VAV3: variants seen among roughly 807,000 people sequenced by gnomAD.
VAV3 encodes guanine nucleotide exchange factor VAV3.
VAV3 carries 94 observed loss-of-function variants against 131.2 expected under a neutral mutation model. The ratio of observed to expected loss-of-function variants is 0.72; its 90% CI spans 0.61 to 0.85. The LOEUF is 0.85. VAV3 is among the 40% of genes least tolerant of loss of function. The pLI, the probability that VAV3 is intolerant of heterozygous loss-of-function variation, is 0.00. For missense variants in VAV3, 939 were observed against 1,002.7 expected (o/e 0.94, Z 0.86); for synonymous variants, 349 against 342.0 (o/e 1.02, Z -0.22).
intron 15 of VAV3, among the ~76,000 whole-genome samples, chr1:107,746,743 C>T (rs574241337): frequency 3.1e-4 from 47 of 152,278 alleles, no homozygotes; most frequent in Admixed American, 1.4e-3. Context: ...TACAAGGAAT[C>T]CATAAAAGTG....
At chr1:107,749,619 G>A (rs745918371) in intron 13 of VAV3, 25 bp from the exon 14 acceptor site, 2 of 1,604,470 alleles carry the variant, frequency 1.2e-6, no homozygotes, top group Non-Finnish European at 1.7e-6. Context: ...TTGATTGATT[G>A]ATTTTAAATG....
At chr1:107,792,295 AAT>A (rs765316556) in intron 2 of VAV3, among the ~76,000 whole-genome samples, 1 of 152,238 alleles carries the variant, frequency 6.6e-6, no homozygotes, top group Non-Finnish European at 1.5e-5. Context: ...TCAGTGTTAA[AAT>A]ACATTAAGTA....
intron 2 of VAV3, among the ~76,000 whole-genome samples, chr1:107,802,561 A>C (rs992622144): frequency 6.6e-6 from 1 of 152,120 alleles, no homozygotes; most frequent in Non-Finnish European, 1.5e-5. Flanking sequence ...AAGTGATGTT[A>C]AATTTTATCA....
At chr1:107,671,490 A>G (rs113915582) in intron 19 of VAV3, among the ~76,000 whole-genome samples, 2 of 152,362 alleles carry the variant, frequency 1.3e-5, no homozygotes, top group African/African-American at 4.8e-5. Context: ...ATGAGAACAT[A>G]TCTACTGCAT....
At chr1:107,645,843 T>C (rs1655699954) in intron 19 of VAV3, among the ~76,000 whole-genome samples, 1 of 152,052 alleles carries the variant, frequency 6.6e-6, no homozygotes, top group Non-Finnish European at 1.5e-5. Context: ...CCTTAGAAAA[T>C]ATGCCTCTGA....
chr1:107,856,300 C>T (rs978983861), intron 2 of VAV3, among the ~76,000 whole-genome samples: 1 of 152,154 alleles, frequency 6.6e-6, no homozygotes, highest in Non-Finnish European at 1.5e-5. Flanking sequence ...TTGCTATGTT[C>T]CTGAAAACTG....
At chr1:107,955,743 G>T (rs1674778902) in intron 1 of VAV3, among the ~76,000 whole-genome samples, 1 of 152,146 alleles carries the variant, frequency 6.6e-6, no homozygotes. Context: ...ACTGCAAGAA[G>T]GTCAGGAGTA....
chr1:107,773,710 T>C (rs1452717015), intron 4 of VAV3, among the ~76,000 whole-genome samples: 1 of 152,132 alleles, frequency 6.6e-6, no homozygotes, highest in Non-Finnish European at 1.5e-5. Context: ...GGCAGTAACA[T>C]AATTTCCATA....
At chr1:107,806,464 G>A (rs562058499) in intron 2 of VAV3, among the ~76,000 whole-genome samples, 24 of 152,098 alleles carry the variant, frequency 1.6e-4, no homozygotes, top group African/African-American at 5.5e-4. Context: ...TTCTGTGGGG[G>A]CCATTGAAGC....
At chr1:107,825,532 G>C (rs1667973733) in intron 2 of VAV3, among the ~76,000 whole-genome samples, 1 of 151,288 alleles carries the variant, frequency 6.6e-6, no homozygotes, top group Non-Finnish European at 1.5e-5. Flanking sequence ...GCTCATGATA[G>C]AGAAAAATCT....
intron 2 of VAV3, among the ~76,000 whole-genome samples, chr1:107,823,151 A>G (rs1252454414): frequency 6.6e-6 from 1 of 152,184 alleles, no homozygotes; most frequent in Admixed American, 6.5e-5. Context: ...AGATGGAAAA[A>G]TTCAAGATGA....
At chr1:107,593,531 C>G (rs567751123) in intron 25 of VAV3, among the ~76,000 whole-genome samples, 87 of 152,012 alleles carry the variant, frequency 5.7e-4, no homozygotes, top group Non-Finnish European at 1.1e-3. Context: ...TCTGTCCAAC[C>G]CAGTATCCCA....
chr1:107,729,003 C>T (rs1363648927), intron 15 of VAV3, among the ~76,000 whole-genome samples: 1 of 151,970 alleles, frequency 6.6e-6, no homozygotes, highest in Non-Finnish European at 1.5e-5. Flanking sequence ...AGTTTTTTTT[C>T]TCAGTCTGAA....
rs59969124 is a variant in VAV3 at position 107,860,353 on chromosome 1, G to T, written c.321+14548C>A. 1.6e-3 allele frequency among the ~76,000 whole-genome samples: 233 copies of T among 144,380 alleles called. 2 individuals are homozygous for T. The highest frequency in any genetic ancestry group is 5.1e-3 in the African/African-American group (210 of 41,028). The allele number at this position is 144,380 out of a possible 152,430, so 94.7% of individuals were successfully genotyped here. ...AATAGTAGATATATGAGCGGTGATT[G>T]TAGTAGTTTTCTAGGTTTTATATGT... On this transcript the variant is annotated intron_variant, in intron 2 of 26. Coordinates refer to ENST00000370056, the MANE Select transcript of VAV3 (RefSeq NM_006113.5).
intron 25 of VAV3, among the ~76,000 whole-genome samples, chr1:107,589,813 GGAACCTGTACGAAGGAGATAATAAATATT>G (rs1218694606): frequency 3.9e-5 from 6 of 152,152 alleles, no homozygotes; most frequent in African/African-American, 1.4e-4. Flanking sequence ...TGGATGGTTA[GGAACCTGTACGAAGGAGATAATAAATATT>G]GTCTCTATTC....
At chr1:107,590,357 G>T (rs550965823) in intron 25 of VAV3, among the ~76,000 whole-genome samples, 5 of 152,264 alleles carry the variant, frequency 3.3e-5, no homozygotes, top group Non-Finnish European at 7.4e-5. Flanking sequence ...GCTATTTCAT[G>T]CAAGGCATGT....
chr1:107,948,893 GTTCA>G (rs1674399729), intron 1 of VAV3, among the ~76,000 whole-genome samples: 1 of 152,008 alleles, frequency 6.6e-6, no homozygotes, highest in African/African-American at 2.4e-5. Flanking sequence ...TGCCACAATG[GTTCA>G]TTCAAATAGG....
chr1:107,631,694 T>C (rs1453856171), intron 20 of VAV3, among the ~76,000 whole-genome samples: 1 of 143,360 alleles, frequency 7.0e-6, no homozygotes, highest in African/African-American at 2.6e-5. Context: ...GTTCTCATTG[T>C]TCAATTCCCA....
chr1:107,772,931 T>C, intron 4 of VAV3, 88 bp from the exon 5 acceptor site: 3 of 1,140,336 alleles, frequency 2.6e-6, no homozygotes, highest in Non-Finnish European at 3.8e-6. Context: ...TAGTAAAAAA[T>C]CCAGAAAGGA....
Sources: gnomAD v4.1 joint callset for allele counts (sites outside exome capture counted in the v4.1 genomes callset) on GRCh38, gnomAD v4.1.1 for gene constraint, MANE v1.5 for transcripts, NCBI Gene and HGNC (gene_info 2026-07-23, HGNC 2026-07-21) for gene names.